Variants in LAD1 observed in about 807,000 individuals in gnomAD.
LAD1 encodes the protein ladinin-1.
LAD1 carries 53 observed loss-of-function variants against 54.2 expected under a neutral mutation model. That is an observed-to-expected ratio of 0.98 (90% CI 0.78 to 1.23). LAD1 has a LOEUF of 1.23. Among genes scored for constraint, LAD1 ranks in the 50% most tolerant of loss-of-function variants. The pLI, the probability that LAD1 is intolerant of heterozygous loss-of-function variation, is 0.00. For synonymous variants in LAD1, 231 were observed against 257.7 expected (o/e 0.90, Z 0.99); for missense variants, 637 against 653.3 (o/e 0.98, Z 0.27).
At chr1:201,384,898 G>A in intron 4 of LAD1, 63 bp from the exon 5 acceptor site, 1 of 1,518,412 alleles carries the variant, frequency 6.6e-7, no homozygotes, top group Non-Finnish European at 9.1e-7. Flanking sequence ...GCCCCCTCGA[G>A]TGAGGAGCCC....
rs746610050 is a variant in LAD1, at chr1:201,381,893, C to T, written c.1549G>A (p.Val517Met). 5.6e-6 allele frequency: 9 copies of T among 1,613,700 alleles called. No individual in the cohort carries two copies. Among genetic ancestry groups the T allele is most frequent in the Admixed American group, 3.3e-5 (2 of 59,938 alleles). ...QKSDSSLDAE[V>M] ...GTCTGTCTTGGCGGGGCTTGTCACA[C>T]CTGTGGGGCAAAGAGCTGTTAGCAC... The change falls in exon 10 of 10, where the codon GTG becomes ATG. Residue 517 changes from valine to methionine, a missense_variant and splice_region_variant. Coordinates refer to ENST00000391967, the MANE Select transcript of LAD1 (RefSeq NM_005558.4).
Position 201,382,577 on chromosome 1 carries a change from G to A in LAD1, c.1473+76C>T. ...CTCCCGAAATGACTCCTCCTCTCCCGACTGTCCCTCCTCTGTCCCCAGTCA... is the reference window on the plus strand; with the variant it reads ...CTCCCGAAATGACTCCTCCTCTCCCAACTGTCCCTCCTCTGTCCCCAGTCA... On this transcript the variant is annotated intron_variant, in intron 8 of 9. Transcript: ENST00000391967. 8 of 1,248,108 alleles carry A rather than the reference G, an allele frequency of 6.4e-6. 1 individual carries two copies. The highest frequency in any genetic ancestry group is 2.5e-4 in the Middle Eastern group (1 of 3,936). 77.3% of individuals were successfully genotyped at this position (1,248,108 alleles called of 1,614,324 possible).
intron 3 of LAD1, 65 bp downstream of exon 3, chr1:201,386,270 G>A (rs1281421940): frequency 3.6e-6 from 5 of 1,380,950 alleles, no homozygotes; most frequent in Non-Finnish European, 4.7e-6. Context: ...TACCTGGGTG[G>A]GACTGGCCGG....
intron 2 of LAD1, among the ~76,000 whole-genome samples, chr1:201,387,818 G>A (rs924275699): frequency 6.6e-6 from 1 of 152,200 alleles, no homozygotes. Flanking sequence ...AGTAACATGA[G>A]AGGATTGTCC....
intron 1 of LAD1, among the ~76,000 whole-genome samples, chr1:201,395,568 A>G (rs1195555838): frequency 4.6e-5 from 7 of 152,138 alleles, no homozygotes; most frequent in Non-Finnish European, 7.4e-5. Context: ...AGGCCGGCCA[A>G]CATGGTGAAA....
chr1:201,397,313 G>A, intron 1 of LAD1: 1 of 152,514 alleles, frequency 6.6e-6, no homozygotes, highest in Non-Finnish European at 1.5e-5. Flanking sequence ...TCATCAGGGT[G>A]ACTGTTGGCA....
chr1:201,382,809 G>T, intron 7 of LAD1, 70 bp from the exon 8 acceptor site: 1 of 1,225,678 alleles, frequency 8.2e-7, no homozygotes, highest in Non-Finnish European at 1.2e-6. Flanking sequence ...AGAGGCCCTG[G>T]AATGGGATAG....
chr1:201,389,414 G>C, intron 1 of LAD1, 111 bp from the exon 2 acceptor site: 1 of 1,249,166 alleles, frequency 8.0e-7, no homozygotes, highest in Non-Finnish European at 1.1e-6. Context: ...GCCTGCACTG[G>C]CTACTAGCAG....
chr1:201,395,783 T>C (rs1002824906), intron 1 of LAD1, among the ~76,000 whole-genome samples: 1 of 151,968 alleles, frequency 6.6e-6, no homozygotes, highest in Non-Finnish European at 1.5e-5. Flanking sequence ...AAACTGAGGC[T>C]CAAAAGAGTT....
In LAD1 at chr1:201,381,795, T is replaced by C; in HGVS notation, c.*93A>G. On this transcript the variant is annotated 3_prime_UTR_variant, in exon 10 of 10. Transcript: ENST00000391967. Reference sequence around the variant, plus strand: ...ACAGGCAAAAAGGGAACAGGGACAATGAGAGGAAAGGGTGCTGCTGTGAGA... The same window carrying C: ...ACAGGCAAAAAGGGAACAGGGACAACGAGAGGAAAGGGTGCTGCTGTGAGA... The C allele has an allele frequency of 1.5e-6, 2 of 1,347,112 alleles. No individual in the cohort carries two copies. Among genetic ancestry groups the C allele is most frequent in the Non-Finnish European group, 2.1e-6 (2 of 936,730 alleles). The allele number at this position is 1,347,112 out of a possible 1,614,324, so 83.4% of individuals were successfully genotyped here. A position where few individuals can be genotyped will look rare whatever the true frequency, so the allele number is the denominator to read the frequency against.
intron 1 of LAD1, among the ~76,000 whole-genome samples, chr1:201,394,524 C>T (rs11580685): frequency 0.16 from 25,081 of 152,218 alleles, 2,574 homozygotes; most frequent in Middle Eastern, 0.27. Context: ...AAACAAGATT[C>T]CCCTGGGCCT....
intron 1 of LAD1, chr1:201,391,060 A>C (rs774782716): frequency 8.8e-5 from 40 of 453,566 alleles, no homozygotes; most frequent in South Asian, 6.0e-4. Flanking sequence ...GGGAAGACTT[A>C]CAAACAAAAC....
At chr1:201,389,353 T>C in intron 1 of LAD1, 50 bp from the exon 2 acceptor site, 1 of 1,579,670 alleles carries the variant, frequency 6.3e-7, no homozygotes, top group Non-Finnish European at 8.6e-7. Context: ...CCCAGGACCC[T>C]CCCGAGGCAG....
chr1:201,385,725 G>A lies in LAD1; in HGVS notation c.1107C>T (p.Ser369=), dbSNP rs1662069498. Residue 369 remains serine (S), a synonymous_variant, in exon 4 of 10, where the codon TCC becomes TCT. Coordinates refer to ENST00000391967, the MANE Select transcript of LAD1 (RefSeq NM_005558.4). ...CCCGAAAGGAGATGGTCCTGGGGCT[G>A]GAGCGTTTGAGGGAGCTGCTGTAGG... The part of the protein sequence containing the change: ...QRTYSSSLKR[S]SPRTISFRMK... 6.2e-7 allele frequency: 1 copy of A among 1,613,988 alleles called. No individual in the cohort carries two copies. The highest frequency in any genetic ancestry group is 8.5e-7 in the Non-Finnish European group (1 of 1,179,842).
chr1:201,386,729 T>C lies in LAD1; in HGVS notation c.632A>G (p.Lys211Arg), dbSNP rs759817742. 2.5e-6 allele frequency: 4 copies of C among 1,614,090 alleles called. No individual in the cohort carries two copies. In the African/African-American group the frequency reaches 5.3e-5, roughly 22 times the overall value. Residue 211 changes from lysine (K) to arginine (R), a missense_variant, in exon 3 of 10, where the codon AAG (lysine) becomes AGG (arginine). Transcript: ENST00000391967. ...TGCTATCTTCTCTGATAGAGATGTC[T>C]TCTCTGAGGCCAGCACCTTCTCAGA... Reference protein sequence around the residue: ...SISEKVLASEKTSLSEKIAVS... With the variant: ...SISEKVLASERTSLSEKIAVS...
Position 201,387,049 on chromosome 1 carries a change from AGCCTCCACCACCTGCCGCCTCT to A in LAD1, c.290_311del (p.Gln97LeufsTer19). On this transcript the variant is annotated frameshift_variant, in exon 3 of 10. Coordinates refer to ENST00000391967, the MANE Select transcript of LAD1 (RefSeq NM_005558.4). LOFTEE classifies it high-confidence loss of function. The stretch of plus-strand genomic sequence containing the variant: ...GCCTCTCCTGGATGGGGGCCTGTGC[AGCCTCCACCACCTGCCGCCTCT>A]GCCTCCGCTCCTGCCGTGTTCTGAG... The A allele has an allele frequency of 6.2e-7, 1 of 1,612,328 alleles. No individual in the cohort carries two copies. Among genetic ancestry groups the A allele is most frequent in the East Asian group, 2.2e-5 (1 of 44,868 alleles).
intron 2 of LAD1, among the ~76,000 whole-genome samples, chr1:201,387,458 A>G (rs1451867281): frequency 6.6e-6 from 1 of 152,234 alleles, no homozygotes; most frequent in Non-Finnish European, 1.5e-5. Context: ...TAACTGCTTT[A>G]ATATGTGCCA....
chr1:201,389,407 T>C, intron 1 of LAD1, 104 bp from the exon 2 acceptor site: 2 of 1,346,980 alleles, frequency 1.5e-6, no homozygotes, highest in South Asian at 2.8e-5. Context: ...CCTCTAGGCC[T>C]GCACTGGCTA....
rs1440085124 is a variant in LAD1 at position 201,381,367 on chromosome 1, G to A, written c.*521C>T. On this transcript the variant is annotated 3_prime_UTR_variant, in exon 10 of 10. Coordinates refer to ENST00000391967, the MANE Select transcript of LAD1 (RefSeq NM_005558.4). ...ACCAAGCAGGGAGACGGGGCACAGG[G>A]AAGACGCACGGCAGCTCCTTCTCCC... 3 of 164,264 alleles carry A rather than the reference G, an allele frequency of 1.8e-5. No individual in the cohort carries two copies. The highest frequency in any genetic ancestry group is 1.7e-4 in the Admixed American group (3 of 18,074). 10.2% of individuals were successfully genotyped at this position (164,264 alleles called of 1,614,324 possible).
Sources: allele counts gnomAD v4.1 joint callset (sites outside exome capture counted in the v4.1 genomes callset), GRCh38; gene constraint gnomAD v4.1.1; transcripts MANE v1.5; gene names NCBI Gene and HGNC (gene_info 2026-07-23, HGNC 2026-07-21).